RPAP2: variants seen among roughly 807,000 people sequenced by gnomAD.
RPAP2 encodes the protein putative RNA polymerase II subunit B1 CTD phosphatase RPAP2.
A neutral mutation model predicts 73.1 loss-of-function variants in RPAP2; 52 were observed. That is an observed-to-expected ratio of 0.71 (90% confidence interval 0.57 to 0.90). RPAP2 has a LOEUF of 0.90. RPAP2 is among the 40% of genes least tolerant of loss of function. The pLI is 0.00. For synonymous variants in RPAP2, 225 were observed against 242.1 expected (o/e 0.93, Z 0.65); for missense variants, 598 against 701.8 (o/e 0.85, Z 1.67).
At position 92,387,618 on chromosome 1, in the gene RPAP2, A is replaced by T. The variant is rs966982880; in HGVS notation, c.*607A>T. ...TTGCTTTTCAAAATGTTTATCAGGT[A>T]GGCAAGTTAGCAGTTGAGGCGGAAC... On this transcript the variant is annotated 3_prime_UTR_variant, in exon 13 of 13. Transcript: ENST00000610020. The T allele has an allele frequency of 6.6e-6, 1 of 152,216 alleles. No individual in the cohort carries two copies. Among genetic ancestry groups the T allele is most frequent in the African/African-American group, 2.4e-5 (1 of 41,450 alleles). The allele number at this position is 152,216 out of a possible 1,614,324, so 9.4% of individuals were successfully genotyped here. A position where few individuals can be genotyped will look rare whatever the true frequency, so the allele number is the denominator to read the frequency against.
At chr1:92,362,614 C>T (rs576951445) in intron 11 of RPAP2, among the ~76,000 whole-genome samples, 2 of 152,276 alleles carry the variant, frequency 1.3e-5, no homozygotes, top group Admixed American at 6.5e-5. Flanking sequence ...GCAGCAAAAG[C>T]ACTTCAGAAA....
intron 8 of RPAP2, among the ~76,000 whole-genome samples, chr1:92,328,120 T>G (rs1235217477): frequency 1.3e-5 from 2 of 152,252 alleles, no homozygotes; most frequent in African/African-American, 4.8e-5. Flanking sequence ...GATAACCTGA[T>G]GACTATGTGC....
intron 8 of RPAP2, 36 bp downstream of exon 8, chr1:92,324,411 T>A: frequency 6.7e-7 from 1 of 1,491,016 alleles, no homozygotes; most frequent in Non-Finnish European, 9.2e-7. Context: ...TCCAGATCGT[T>A]AACATTTGGA....
chr1:92,377,049 T>A (rs927269165), intron 11 of RPAP2, among the ~76,000 whole-genome samples: 23 of 152,206 alleles, frequency 1.5e-4, no homozygotes, highest in African/African-American at 5.3e-4. Context: ...GTTGATAATA[T>A]AACCAATACT....
At chr1:92,321,902 A>ATT (rs1305565835) in intron 7 of RPAP2, among the ~76,000 whole-genome samples, 1 of 126,000 alleles carries the variant, frequency 7.9e-6, no homozygotes, top group Non-Finnish European at 1.8e-5. Context: ...AATTCCTGTA[A>ATT]TTTTTTTTTT....
rs201362354 is a variant in RPAP2 at position 92,373,919 on chromosome 1, C to CA, written c.1689-6796dup. ...GGGCAACAAGAGCAAAACTTGGTCT[C>CA]AAAAAAAAATAATTAAAGCTGTATG... On this transcript the variant is annotated intron_variant, in intron 11 of 12. Transcript: ENST00000610020. Among the ~76,000 whole-genome samples, 111 of 149,786 alleles carry CA rather than the reference C, an allele frequency of 7.4e-4. 1 individual carries two copies. Among genetic ancestry groups the CA allele is most frequent in the African/African-American group, 2.4e-3 (97 of 40,814 alleles).
rs1656035605 is a variant in RPAP2, at chr1:92,391,391, A to G, written c.*4380A>G. ...AGGACATGTTTAAAGCAGTATGTAGAGGGAAATTTATAGCACTAAATGCCC... is the reference window on the plus strand; with the variant it reads ...AGGACATGTTTAAAGCAGTATGTAGGGGGAAATTTATAGCACTAAATGCCC... On this transcript the variant is annotated 3_prime_UTR_variant, in exon 13 of 13. Coordinates refer to ENST00000610020, the MANE Select transcript of RPAP2 (RefSeq NM_024813.3). 1 of 152,246 alleles carries G rather than the reference A, an allele frequency of 6.6e-6. No individual in the cohort carries two copies. Among genetic ancestry groups the G allele is most frequent in the Non-Finnish European group, 1.5e-5 (1 of 68,048 alleles). 9.4% of individuals were successfully genotyped at this position (152,246 alleles called of 1,614,324 possible). A position where few individuals can be genotyped will look rare whatever the true frequency, so the allele number is the denominator to read the frequency against.
Position 92,307,290 on chromosome 1 carries a change from T to C in RPAP2, c.488+14T>C. On this transcript the variant is annotated intron_variant, in intron 6 of 12. Transcript: ENST00000610020. ...AGAAGAAGAGAGGTAATTTAAGTCA[T>C]TGTGTATATACATTTGTTCATATAT... 1 of 1,526,950 alleles carries C rather than the reference T, an allele frequency of 6.5e-7. No homozygotes were observed. The highest frequency in any genetic ancestry group is 9.0e-7 in the Non-Finnish European group (1 of 1,105,712). The allele number at this position is 1,526,950 out of a possible 1,614,324, so 94.6% of individuals were successfully genotyped here. A position where few individuals can be genotyped will look rare whatever the true frequency, so the allele number is the denominator to read the frequency against.
chr1:92,305,008 A>C (rs966270998), intron 5 of RPAP2, among the ~76,000 whole-genome samples: 5 of 151,950 alleles, frequency 3.3e-5, no homozygotes, highest in Non-Finnish European at 5.9e-5. Context: ...GGTGGTACGC[A>C]CCTGTAGTCC....
chr1:92,321,477 T>TA (rs1333231001), intron 7 of RPAP2, among the ~76,000 whole-genome samples: 1 of 151,816 alleles, frequency 6.6e-6, no homozygotes, highest in Admixed American at 6.6e-5. Context: ...TATATATATA[T>TA]TTTTTTCTTT....
intron 11 of RPAP2, among the ~76,000 whole-genome samples, chr1:92,355,307 G>C (rs889212136): frequency 6.6e-6 from 1 of 152,016 alleles, no homozygotes; most frequent in Non-Finnish European, 1.5e-5. Flanking sequence ...CCTTGTACAA[G>C]TTACTTAACT....
At chr1:92,370,041 T>G (rs1383941560) in intron 11 of RPAP2, among the ~76,000 whole-genome samples, 1 of 152,102 alleles carries the variant, frequency 6.6e-6, no homozygotes, top group Non-Finnish European at 1.5e-5. Context: ...TGTGCCACCA[T>G]GCCCAGCTAA....
chr1:92,322,913 TA>T (rs1652373154), intron 7 of RPAP2, among the ~76,000 whole-genome samples: 1 of 145,942 alleles, frequency 6.9e-6, no homozygotes, highest in South Asian at 2.1e-4. Context: ...TCATATTATA[TA>T]TTTTTTAAAC....
intron 11 of RPAP2, among the ~76,000 whole-genome samples, chr1:92,379,850 G>C (rs1655546880): frequency 6.6e-6 from 1 of 151,704 alleles, no homozygotes; most frequent in Admixed American, 6.6e-5. Flanking sequence ...CAGGAGAATT[G>C]CTTGAACCCA....
intron 11 of RPAP2, among the ~76,000 whole-genome samples, chr1:92,351,362 T>G (rs971045271): frequency 6.6e-6 from 1 of 151,950 alleles, no homozygotes; most frequent in Non-Finnish European, 1.5e-5. Context: ...AAAATTATAT[T>G]TTTTGATGTG....
chr1:92,306,951 A>G (rs77072105), intron 5 of RPAP2, among the ~76,000 whole-genome samples: 1 of 152,216 alleles, frequency 6.6e-6, no homozygotes, highest in Non-Finnish European at 1.5e-5. Flanking sequence ...AAATGAGGGA[A>G]TGATTAACAC....
At position 92,389,245 on chromosome 1, in the gene RPAP2, C is replaced by G. The variant is rs1389425747; in HGVS notation, c.*2234C>G. On this transcript the variant is annotated 3_prime_UTR_variant, in exon 13 of 13. Transcript: ENST00000610020. ...TTCTGCAGCCTCCACTGGTGACACCCAGGCAAACAGGGTCTGGAGTGGACC... is the reference window on the plus strand; with the variant it reads ...TTCTGCAGCCTCCACTGGTGACACCGAGGCAAACAGGGTCTGGAGTGGACC... 3.3e-5 allele frequency: 5 copies of G among 153,640 alleles called. No homozygotes were observed. Among genetic ancestry groups the G allele is most frequent in the Non-Finnish European group, 7.2e-5 (5 of 69,258 alleles). The allele number at this position is 153,640 out of a possible 1,614,324, so 9.5% of individuals were successfully genotyped here.
At position 92,398,427 on chromosome 1, in the gene RPAP2, T is replaced by C. The variant is rs866878560; in HGVS notation, c.*11416T>C. 7.1e-4 allele frequency: 108 copies of C among 152,330 alleles called. 1 individual carries two copies. Among genetic ancestry groups the C allele is most frequent in the African/African-American group, 2.4e-3 (101 of 41,572 alleles). The allele number at this position is 152,330 out of a possible 1,614,324, so 9.4% of individuals were successfully genotyped here. A position where few individuals can be genotyped will look rare whatever the true frequency, so the allele number is the denominator to read the frequency against. ...GCTTATAGTCATGTCCAAAAACCAG[T>C]TGATCTTCCTACTCATTAGGGGACA... is the stretch of plus-strand genomic sequence containing the variant. On this transcript the variant is annotated 3_prime_UTR_variant, in exon 13 of 13. Transcript: ENST00000610020.
chr1:92,299,260 C>G, intron 1 of RPAP2, 114 bp downstream of exon 1: 2 of 550,302 alleles, frequency 3.6e-6, no homozygotes, highest in South Asian at 7.3e-5. Context: ...GAGGGGTTCT[C>G]CCAGGTAGAG....
Sources: allele counts gnomAD v4.1 joint callset (sites outside exome capture counted in the v4.1 genomes callset), GRCh38; gene constraint gnomAD v4.1.1; transcripts MANE v1.5; gene names NCBI Gene and HGNC (gene_info 2026-07-23, HGNC 2026-07-21).